Variants in ARHGEF28 observed in about 807,000 individuals in gnomAD.
ARHGEF28 encodes the protein Rho guanine nucleotide exchange factor 28.
A neutral mutation model predicts 206.6 loss-of-function variants in ARHGEF28; 152 were observed. The observed-to-expected ratio is 0.74, with a 90% CI of 0.64 to 0.84. ARHGEF28 has a LOEUF of 0.84. Ranked by LOEUF, ARHGEF28 falls within the 40% of genes least tolerant of loss-of-function variation. The pLI, the probability that ARHGEF28 is intolerant of heterozygous loss-of-function variation, is 0.00. For synonymous variants in ARHGEF28, 763 were observed against 776.4 expected (o/e 0.98, Z 0.29); for missense variants, 2,028 against 2,073.2 (o/e 0.98, Z 0.42).
chr5:73,730,423 G>A (rs1361577487), intron 2 of ARHGEF28, among the ~76,000 whole-genome samples: 2 of 151,944 alleles, frequency 1.3e-5, no homozygotes, highest in African/African-American at 4.8e-5. Context: ...GCCTTGCATC[G>A]GTAGGCACCT....
rs757055413 is a variant in ARHGEF28 at position 73,832,356 on chromosome 5, T to C, written c.1043T>C (p.Leu348Pro). The change falls in exon 10 of 36, where the codon CTA (leucine) becomes CCA (proline). Residue 348 changes from leucine to proline, a missense_variant. Physicochemically the swap from Leu to Pro is moderately conservative, Grantham distance 98. Transcript: ENST00000513042. ...ACTCTAGATCGCTCCTTCGATATCCTAAAAAAATCCAAGCCGCCCTCGACA... is the reference window on the plus strand; with the variant it reads ...ACTCTAGATCGCTCCTTCGATATCCCAAAAAAATCCAAGCCGCCCTCGACA... ...SLDLDRSFDI[L>P]KKSKPPSTLL... The C allele has an allele frequency of 1.2e-6, 2 of 1,612,456 alleles. No individual in the cohort carries two copies. Among genetic ancestry groups the C allele is most frequent in the Non-Finnish European group, 1.7e-6 (2 of 1,179,254 alleles).
Position 73,857,775 on chromosome 5 carries a change from C to T in ARHGEF28, c.1910C>T (p.Ser637Leu). ...MNRMTSPRNKSKTKSKDAKDK... is the reference protein window; with the variant it reads ...MNRMTSPRNKLKTKSKDAKDK... ...AGGATGACTAGCCCTCGGAATAAAT[C>T]AAAGGTAATTAAAGTGATTCACTTA... is the stretch of plus-strand genomic sequence containing the variant. Residue 637 changes from serine to leucine, a missense_variant, in exon 15 of 36, where the codon TCA becomes TTA. Physicochemically the swap from Ser to Leu is moderately radical, Grantham distance 145. Coordinates refer to ENST00000513042, the MANE Select transcript of ARHGEF28 (RefSeq NM_001177693.2). The T allele has an allele frequency of 6.2e-7, 1 of 1,611,384 alleles. No individual in the cohort carries two copies. Among genetic ancestry groups the T allele is most frequent in the Non-Finnish European group, 8.5e-7 (1 of 1,178,864 alleles).
At chr5:73,828,123 T>G (rs1355029579) in intron 9 of ARHGEF28, 1 of 152,218 alleles carries the variant, frequency 6.6e-6, no homozygotes, top group Admixed American at 6.5e-5. Flanking sequence ...TGAAACATGG[T>G]AGAGCAATTA....
At chr5:73,924,467 CTT>C (rs914181326) in intron 35 of ARHGEF28, among the ~76,000 whole-genome samples, 71 of 152,310 alleles carry the variant, frequency 4.7e-4, no homozygotes, top group African/African-American at 1.7e-3. Flanking sequence ...GTGTACAACT[CTT>C]AGACCTTTGT....
rs2973531 is a variant in ARHGEF28 at position 73,894,821 on chromosome 5, G to A, written c.3841+246G>A. On this transcript the variant is annotated intron_variant, in intron 29 of 35. Coordinates refer to ENST00000513042, the MANE Select transcript of ARHGEF28 (RefSeq NM_001177693.2). The stretch of plus-strand genomic sequence containing the variant: ...GAGAGAGGGTGATGGAGTTGGGATC[G>A]CTCTGTTTTAGATAGGGTGGCCAGG... 0.22 allele frequency among the ~76,000 whole-genome samples: 33,359 copies of A among 152,150 alleles called. 4,313 individuals are homozygous for A. The highest frequency in any genetic ancestry group is 0.34 in the Admixed American group (5,176 of 15,286).
At chr5:73,686,561 C>G (rs2112253400) in intron 2 of ARHGEF28, among the ~76,000 whole-genome samples, 1 of 151,060 alleles carries the variant, frequency 6.6e-6, no homozygotes, top group East Asian at 1.9e-4. Context: ...CTCTGTCACC[C>G]AGGCTGGAGT....
At chr5:73,744,424 G>A (rs375929013) in intron 2 of ARHGEF28, among the ~76,000 whole-genome samples, 10 of 152,040 alleles carry the variant, frequency 6.6e-5, no homozygotes, top group African/African-American at 2.4e-4. Flanking sequence ...AGTACCTATA[G>A]TTGTATTTAC....
intron 35 of ARHGEF28, among the ~76,000 whole-genome samples, chr5:73,929,669 T>C: frequency 6.6e-6 from 1 of 152,212 alleles, no homozygotes; most frequent in East Asian, 1.9e-4. Context: ...TTATTTCAGA[T>C]CTTCGCCTTT....
chr5:73,689,268 G>T (rs1747667686), intron 2 of ARHGEF28, among the ~76,000 whole-genome samples: 1 of 152,182 alleles, frequency 6.6e-6, no homozygotes, highest in African/African-American at 2.4e-5. Context: ...TTAGGAAGGA[G>T]ACTCTATTTT....
chr5:73,634,779 T>A (rs928029269), intron 1 of ARHGEF28, among the ~76,000 whole-genome samples: 2 of 152,214 alleles, frequency 1.3e-5, no homozygotes, highest in African/African-American at 4.8e-5. Flanking sequence ...AATTAAAAAA[T>A]CATTCCTTTC....
chr5:73,783,359 T>TGTGC lies in ARHGEF28; in HGVS notation c.910+2617_910+2618insCGTG, dbSNP rs1441479181. On this transcript the variant is annotated intron_variant, in intron 7 of 35. Coordinates refer to ENST00000513042, the MANE Select transcript of ARHGEF28 (RefSeq NM_001177693.2). ...CCCTGGAATATAGTGTGTGTGTGTG[T>TGTGC]GTGTGTGTGTGTGTGTGTGTGTGTG... 2.4e-4 allele frequency among the ~76,000 whole-genome samples: 25 copies of TGTGC among 104,020 alleles called. No individual in the cohort carries two copies. In the South Asian group the frequency reaches 8.9e-3, roughly 37 times the overall value. The allele number at this position is 104,020 out of a possible 152,430, so 68.2% of individuals were successfully genotyped here. A position where few individuals can be genotyped will look rare whatever the true frequency, so the allele number is the denominator to read the frequency against.
At position 73,848,925 on chromosome 5, in the gene ARHGEF28, A is replaced by T. The variant is rs16870958; in HGVS notation, c.1636-51A>T. 7 of 1,317,602 alleles carry T rather than the reference A, an allele frequency of 5.3e-6. No individual in the cohort carries two copies. In the South Asian group the frequency reaches 9.3e-5, roughly 17 times the overall value. 81.6% of individuals were successfully genotyped at this position (1,317,602 alleles called of 1,614,324 possible). On this transcript the variant is annotated intron_variant, in intron 12 of 35. Coordinates refer to ENST00000513042, the MANE Select transcript of ARHGEF28 (RefSeq NM_001177693.2). ...GTAACATTTGAGGTGGTGAATATATATTTTCAGACCATGTATAAATTTTTA... is the reference window on the plus strand; with the variant it reads ...GTAACATTTGAGGTGGTGAATATATTTTTTCAGACCATGTATAAATTTTTA...
At chr5:73,920,545 GTTTTTTTT>G (rs756699052) in intron 35 of ARHGEF28, among the ~76,000 whole-genome samples, 1 of 110,540 alleles carries the variant, frequency 9.0e-6, no homozygotes, top group Non-Finnish European at 1.8e-5. Context: ...CGTCATCTAG[GTTTTTTTT>G]TTTTTTTTTT....
intron 34 of ARHGEF28, 103 bp downstream of exon 34, chr5:73,910,000 A>G: frequency 7.2e-7 from 1 of 1,389,458 alleles, no homozygotes; most frequent in Non-Finnish European, 9.3e-7. Context: ...GGATTTGTGT[A>G]AGAAGACCTC....
chr5:73,697,735 T>TTCTGGA (rs1382744581), intron 2 of ARHGEF28, among the ~76,000 whole-genome samples: 1 of 152,160 alleles, frequency 6.6e-6, no homozygotes, highest in Non-Finnish European at 1.5e-5. Context: ...CAACATGAGT[T>TTCTGGA]TCTGGAGGGG....
chr5:73,844,270 G>A (rs1180495068), intron 11 of ARHGEF28, among the ~76,000 whole-genome samples: 1 of 152,154 alleles, frequency 6.6e-6, no homozygotes, highest in Non-Finnish European at 1.5e-5. Context: ...GTTAAAATCG[G>A]ATATTATTGC....
intron 9 of ARHGEF28, among the ~76,000 whole-genome samples, chr5:73,823,196 T>C (rs140183851): frequency 6.6e-6 from 1 of 152,334 alleles, no homozygotes; most frequent in East Asian, 1.9e-4. Flanking sequence ...AATATAGTAA[T>C]GACTCATGCA....
chr5:73,741,399 A>G (rs374491354), intron 2 of ARHGEF28, among the ~76,000 whole-genome samples: 159 of 10,344 alleles, frequency 0.015, 1 homozygote, highest in Non-Finnish European at 0.023. Flanking sequence ...ATATATATAT[A>G]TATATATATA....
At chr5:73,781,094 T>A (rs1199146731) in intron 7 of ARHGEF28, among the ~76,000 whole-genome samples, 1 of 152,204 alleles carries the variant, frequency 6.6e-6, no homozygotes, top group Non-Finnish European at 1.5e-5. Flanking sequence ...TGTTCTTTAG[T>A]TTCTTCCACC....
Sources: gnomAD v4.1 joint callset for allele counts (sites outside exome capture counted in the v4.1 genomes callset) on GRCh38, gnomAD v4.1.1 for gene constraint, MANE v1.5 for transcripts, NCBI Gene and HGNC (gene_info 2026-07-23, HGNC 2026-07-21) for gene names.